OPCML: variants seen among roughly 807,000 people sequenced by gnomAD.
OPCML encodes opioid-binding protein/cell adhesion molecule.
Under a neutral mutation model 37.8 loss-of-function variants are expected in OPCML, and 13 were observed. The ratio of observed to expected loss-of-function variants is 0.34; its 90% CI spans 0.22 to 0.55. The LOEUF (loss-of-function observed/expected upper bound fraction) is 0.55, where lower values mean the gene tolerates loss of function less well. Among genes scored for constraint, OPCML ranks in the 20% least tolerant of loss-of-function variants. The pLI is 0.91. For synonymous variants in OPCML, 176 were observed against 168.8 expected (o/e 1.04, Z -0.33); for missense variants, 341 against 435.6 (o/e 0.78, Z 1.93).
At chr11:132,735,944 A>G (rs1945241573) in intron 2 of OPCML, among the ~76,000 whole-genome samples, 1 of 152,218 alleles carries the variant, frequency 6.6e-6, no homozygotes, top group South Asian at 2.1e-4. Context: ...AAAGGGAAAG[A>G]AAAAATGACT....
At chr11:133,272,151 C>T (rs549635448) in intron 1 of OPCML, among the ~76,000 whole-genome samples, 22 of 150,926 alleles carry the variant, frequency 1.5e-4, no homozygotes, top group African/African-American at 4.6e-4. Flanking sequence ...ACAAGAGGCT[C>T]ATGTTTCTTA....
At chr11:132,890,052 G>A (rs777858205) in intron 2 of OPCML, among the ~76,000 whole-genome samples, 1 of 152,122 alleles carries the variant, frequency 6.6e-6, no homozygotes, top group Non-Finnish European at 1.5e-5. Context: ...ATCATCATCC[G>A]CAAGGCAACT....
intron 1 of OPCML, among the ~76,000 whole-genome samples, chr11:133,487,306 C>G (rs1947550913): frequency 6.6e-6 from 1 of 152,096 alleles, no homozygotes; most frequent in Admixed American, 6.5e-5. Flanking sequence ...AGCGTGCTCC[C>G]CACTGGTCTT....
At chr11:133,056,810 C>T (rs1241468497) in intron 1 of OPCML, among the ~76,000 whole-genome samples, 3 of 152,110 alleles carry the variant, frequency 2.0e-5, no homozygotes, top group African/African-American at 4.8e-5. Flanking sequence ...CTCAACTCCT[C>T]GAGGGGAGAG....
chr11:133,004,244 C>T (rs530899792), intron 1 of OPCML: 117 of 985,438 alleles, frequency 1.2e-4, no homozygotes, highest in African/African-American at 1.6e-4. Context: ...CCCCTGGGGA[C>T]GTAACTGCCT....
intron 4 of OPCML, among the ~76,000 whole-genome samples, chr11:132,494,981 A>G (rs578062901): frequency 7.9e-5 from 12 of 151,828 alleles, no homozygotes; most frequent in South Asian, 4.2e-4. Flanking sequence ...CATTTCGACT[A>G]CAAAGGATTT....
chr11:132,895,087 T>C (rs1456660775), intron 2 of OPCML, among the ~76,000 whole-genome samples: 1 of 152,212 alleles, frequency 6.6e-6, no homozygotes, highest in Non-Finnish European at 1.5e-5. Context: ...GTTTCTAGAA[T>C]TGGCTATCTA....
intron 3 of OPCML, among the ~76,000 whole-genome samples, chr11:132,604,080 T>A (rs1938111323): frequency 6.6e-6 from 1 of 152,128 alleles, no homozygotes; most frequent in Admixed American, 6.5e-5. Flanking sequence ...GTGCTCCACA[T>A]TTGTTAGCAA....
At chr11:132,607,306 A>G (rs748246157) in intron 3 of OPCML, among the ~76,000 whole-genome samples, 5 of 152,206 alleles carry the variant, frequency 3.3e-5, no homozygotes, top group Non-Finnish European at 7.3e-5. Context: ...CCTTTTGTAC[A>G]GCATCATGAG....
chr11:132,961,002 G>A (rs1025417634), intron 1 of OPCML, among the ~76,000 whole-genome samples: 2 of 152,196 alleles, frequency 1.3e-5, no homozygotes, highest in Non-Finnish European at 2.9e-5. Context: ...GCTGAATCTA[G>A]CAGCCTCCAT....
At chr11:132,697,268 T>A (rs1441754640) in intron 2 of OPCML, among the ~76,000 whole-genome samples, 1 of 152,192 alleles carries the variant, frequency 6.6e-6, no homozygotes, top group Non-Finnish European at 1.5e-5. Context: ...CATAATTACC[T>A]TCTTTTTTTC....
At chr11:132,807,435 AAGT>A (rs1939081407) in intron 2 of OPCML, among the ~76,000 whole-genome samples, 2 of 152,204 alleles carry the variant, frequency 1.3e-5, no homozygotes, top group Admixed American at 1.3e-4. Flanking sequence ...AAAAATCAAA[AAGT>A]TCCTTGAGAA....
chr11:133,271,924 G>A (rs1401581031), intron 1 of OPCML, among the ~76,000 whole-genome samples: 6 of 152,200 alleles, frequency 3.9e-5, no homozygotes, highest in African/African-American at 1.4e-4. Flanking sequence ...CCCTGCATCT[G>A]TGATGCTCAG....
intron 1 of OPCML, among the ~76,000 whole-genome samples, chr11:133,161,014 C>G (rs1183129237): frequency 2.0e-5 from 3 of 152,210 alleles, no homozygotes; most frequent in Non-Finnish European, 4.4e-5. Context: ...AGGCAGCAGG[C>G]CTGGTGCGGG....
intron 1 of OPCML, among the ~76,000 whole-genome samples, chr11:133,326,481 TGA>T (rs1491589447): frequency 6.1e-5 from 6 of 97,734 alleles, no homozygotes; most frequent in Admixed American, 2.5e-4. Context: ...TGTATGTGTA[TGA>T]GGGGGTGTGG....
At chr11:132,795,511 G>A (rs1051692719) in intron 2 of OPCML, among the ~76,000 whole-genome samples, 4 of 152,074 alleles carry the variant, frequency 2.6e-5, no homozygotes, top group African/African-American at 4.8e-5. Context: ...CACTTAAAAC[G>A]AACGAGCCAA....
chr11:133,062,648 A>C (rs1412147063), intron 1 of OPCML, among the ~76,000 whole-genome samples: 1 of 152,156 alleles, frequency 6.6e-6, no homozygotes, highest in Non-Finnish European at 1.5e-5. Flanking sequence ...TTGTAGATTT[A>C]ATGCGTCACC....
intron 1 of OPCML, chr11:133,360,550 T>G (rs1944390202): frequency 6.6e-6 from 1 of 151,774 alleles, no homozygotes; most frequent in South Asian, 2.1e-4. Context: ...ACAGGTAGGA[T>G]GCTTTCAATA....
At chr11:132,749,411 C>A (rs546801261) in intron 2 of OPCML, among the ~76,000 whole-genome samples, 1 of 152,182 alleles carries the variant, frequency 6.6e-6, no homozygotes, top group Non-Finnish European at 1.5e-5. Context: ...ATAGGAAAGA[C>A]TGAAGGAGGA....
Sources: allele counts gnomAD v4.1 joint callset (sites outside exome capture counted in the v4.1 genomes callset), GRCh38; gene constraint gnomAD v4.1.1; transcripts MANE v1.5; gene names NCBI Gene and HGNC (gene_info 2026-07-23, HGNC 2026-07-21).